The following SAR1B variants were observed in gnomAD, a reference collection of about 807,000 sequenced individuals.
SAR1B encodes the protein small COPII coat GTPase SAR1B.
In SAR1B, 23 loss-of-function variants were observed where a neutral mutation model predicts 26.8. The ratio of observed to expected loss-of-function variants is 0.86; its 90% CI spans 0.62 to 1.22. SAR1B has a LOEUF of 1.22. Ranked by LOEUF, SAR1B falls within the 50% of genes most tolerant of loss-of-function variation. The probability of loss-of-function intolerance (pLI) is 0.00; values close to 1 mark genes in which losing one functional copy is unlikely to be tolerated. For missense variants in SAR1B, 196 were observed against 232.8 expected, an observed-to-expected ratio of 0.84 and a Z score of 1.03; for synonymous variants, 65 against 80.8, an observed-to-expected ratio of 0.80 and a Z score of 1.05.
In SAR1B at chr5:134,608,587, A is replaced by C. The variant is rs13187174; in HGVS notation, c.349-84T>G. On this transcript the variant is annotated intron_variant, in intron 5 of 6. Transcript: ENST00000402673. ...TTTTGATATGATAAAACAATAAAGG[A>C]CTCATTTTCTACCATATCATGTCAT... is the stretch of plus-strand genomic sequence containing the variant. 0.027 allele frequency: 39,031 copies of C among 1,424,354 alleles called. 609 individuals carry two copies. The highest frequency in any genetic ancestry group is 0.042 in the Middle Eastern group (242 of 5,734). 88.2% of individuals were successfully genotyped at this position (1,424,354 alleles called of 1,614,324 possible). A position where few individuals can be genotyped will look rare whatever the true frequency, so the allele number is the denominator to read the frequency against.
intron 1 of SAR1B, among the ~76,000 whole-genome samples, chr5:134,624,626 T>G (rs1001754745): frequency 6.3e-3 from 162 of 25,552 alleles, no homozygotes; most frequent in African/African-American, 0.01. Flanking sequence ...GGGAAGTGAG[T>G]TTTTTTTTTT....
At chr5:134,631,050 A>G (rs55756943) in intron 1 of SAR1B, among the ~76,000 whole-genome samples, 5,691 of 150,906 alleles carry the variant, frequency 0.038, 140 homozygotes, top group Non-Finnish European at 0.061. Flanking sequence ...CCTGCTAGCC[A>G]GGGCCCTGCA....
At chr5:134,625,206 G>A (rs1765475425) in intron 1 of SAR1B, among the ~76,000 whole-genome samples, 1 of 152,122 alleles carries the variant, frequency 6.6e-6, no homozygotes, top group African/African-American at 2.4e-5. Context: ...CTACTATGGG[G>A]AATGAATCAA....
chr5:134,616,204 A>AG (rs1178412245), intron 3 of SAR1B, among the ~76,000 whole-genome samples: 15 of 150,678 alleles, frequency 1.0e-4, no homozygotes, highest in East Asian at 5.8e-4. Context: ...TGGAAGGCCG[A>AG]GGGGGGCGGA....
At chr5:134,626,644 C>A (rs1184907042) in intron 1 of SAR1B, among the ~76,000 whole-genome samples, 1 of 152,184 alleles carries the variant, frequency 6.6e-6, no homozygotes, top group Non-Finnish European at 1.5e-5. Context: ...AAAACCAGTG[C>A]AAAGGATGTA....
intron 3 of SAR1B, among the ~76,000 whole-genome samples, chr5:134,616,147 AAAAAG>A (rs1183870878): frequency 1.5e-4 from 23 of 149,770 alleles, no homozygotes; most frequent in Non-Finnish European, 4.4e-5. Flanking sequence ...AAAAAAAAAA[AAAAAG>A]GGCAGGGCAC....
intron 3 of SAR1B, among the ~76,000 whole-genome samples, chr5:134,616,479 T>C (rs2150052737): frequency 6.6e-6 from 1 of 151,806 alleles, no homozygotes; most frequent in Non-Finnish European, 1.5e-5. Flanking sequence ...TATGTGTAGA[T>C]TGCCAAATGA....
At chr5:134,624,645 T>G (rs966593397) in intron 1 of SAR1B, among the ~76,000 whole-genome samples, 1 of 115,814 alleles carries the variant, frequency 8.6e-6, no homozygotes, top group Non-Finnish European at 2.0e-5. Flanking sequence ...TTTTTTTTTT[T>G]GAGACAGAGT....
chr5:134,607,194 G>T (rs1023622814), intron 6 of SAR1B, 128 bp from the exon 7 acceptor site: 1 of 750,606 alleles, frequency 1.3e-6, no homozygotes, highest in African/African-American at 1.7e-5. Context: ...TGATAAAGTC[G>T]TGGCTGCTTG....
rs1280413730 is a variant in SAR1B, at chr5:134,605,296, T to G, written c.*1654A>C. The G allele has an allele frequency of 6.6e-6, 1 of 152,192 alleles. No individual in the cohort carries two copies. Among genetic ancestry groups the G allele is most frequent in the Admixed American group, 6.5e-5 (1 of 15,278 alleles). 9.4% of individuals were successfully genotyped at this position (152,192 alleles called of 1,614,324 possible). A position where few individuals can be genotyped will look rare whatever the true frequency, so the allele number is the denominator to read the frequency against. The stretch of plus-strand genomic sequence containing the variant: ...GGTTAAATATACTATAAAACTTGGC[T>G]TATAATCAGGATAAATCTTAAACTT... On this transcript the variant is annotated 3_prime_UTR_variant, in exon 7 of 7. Coordinates refer to ENST00000402673, the MANE Select transcript of SAR1B (RefSeq NM_016103.4).
At chr5:134,613,447 GTCAAA>G in intron 3 of SAR1B, 1 of 152,270 alleles carries the variant, frequency 6.6e-6, no homozygotes, top group South Asian at 2.1e-4. Flanking sequence ...TGCAAATAAG[GTCAAA>G]TCAAACATTT....
intron 3 of SAR1B, among the ~76,000 whole-genome samples, chr5:134,615,605 G>T (rs1401835624): frequency 3.4e-5 from 5 of 146,244 alleles, no homozygotes; most frequent in Admixed American, 2.1e-4. Context: ...CACGAGGTCA[G>T]GAGATCGAGA....
Position 134,620,984 on chromosome 5 carries a change from G to T in SAR1B, c.127C>A (p.His43Asn). The change falls in exon 3 of 7, where the codon CAC (histidine) becomes AAC (asparagine). Residue 43 changes from histidine (H) to asparagine (N), a missense_variant. Transcript: ENST00000402673. ...CCAAGTCTGTCATCTTTTAGCATGT[G>T]TAGCAATGTTGTTTTTCCTGCATTA... ...LDNAGKTTLL[H>N]MLKDDRLGQH... The T allele has an allele frequency of 1.2e-6, 2 of 1,613,094 alleles. No homozygotes were observed. The highest frequency in any genetic ancestry group is 1.7e-6 in the Non-Finnish European group (2 of 1,179,056).
At chr5:134,632,624 C>A (rs1765628275) in intron 1 of SAR1B, 104 bp downstream of exon 1, 1 of 152,448 alleles carries the variant, frequency 6.6e-6, no homozygotes, top group Non-Finnish European at 1.5e-5. Flanking sequence ...CACGCAGTGC[C>A]ACAGGCAGGG....
intron 4 of SAR1B, among the ~76,000 whole-genome samples, chr5:134,612,438 A>C (rs1314921391): frequency 1.3e-5 from 2 of 152,106 alleles, no homozygotes; most frequent in Non-Finnish European, 2.9e-5. Flanking sequence ...TGACTGTAAG[A>C]GTAAGAGAAT....
At chr5:134,630,778 CAA>C (rs772159748) in intron 1 of SAR1B, among the ~76,000 whole-genome samples, 5 of 59,246 alleles carry the variant, frequency 8.4e-5, no homozygotes, top group African/African-American at 1.3e-4. Context: ...GACTCCGTCT[CAA>C]AAAAAAAAAA....
Position 134,620,953 on chromosome 5 carries a change from T to C in SAR1B, c.158A>G (p.His53Arg), listed in dbSNP as rs1765397348. Residue 53 changes from histidine to arginine, a missense_variant, in exon 3 of 7, where the codon CAT becomes CGT. Physicochemically the swap from His to Arg is conservative, Grantham distance 29 (BLOSUM62 0). Transcript: ENST00000402673. ...CTTACTGGGATGTAATGTTGGGACA[T>C]GTTGTCCAAGTCTGTCATCTTTTAG... ...HMLKDDRLGQ[H>R]VPTLHPTSEE... 2 of 1,613,842 alleles carry C rather than the reference T, an allele frequency of 1.2e-6. No individual in the cohort carries two copies. The highest frequency in any genetic ancestry group is 8.5e-7 in the Non-Finnish European group (1 of 1,179,704).
At chr5:134,623,672 T>C (rs1260333580) in intron 2 of SAR1B, among the ~76,000 whole-genome samples, 2 of 152,166 alleles carry the variant, frequency 1.3e-5, no homozygotes, top group African/African-American at 4.8e-5. Context: ...AGCTAATAAA[T>C]GGTAGATAGT....
intron 3 of SAR1B, among the ~76,000 whole-genome samples, chr5:134,619,056 G>C (rs1055801964): frequency 6.6e-6 from 1 of 151,738 alleles, no homozygotes; most frequent in Non-Finnish European, 1.5e-5. Context: ...TTGGCCAAGT[G>C]TGGTGGCTCA....
Sources: gnomAD v4.1 joint callset for allele counts (sites outside exome capture counted in the v4.1 genomes callset) on GRCh38, gnomAD v4.1.1 for gene constraint, MANE v1.5 for transcripts, NCBI Gene and HGNC (gene_info 2026-07-23, HGNC 2026-07-21) for gene names.